GDF2: variants seen among roughly 807,000 people sequenced by gnomAD.
GDF2 encodes the protein growth/differentiation factor 2.
A neutral mutation model predicts 16.9 loss-of-function variants in GDF2; 17 were observed. That is an observed-to-expected ratio of 1.00 (90% confidence interval 0.69 to 1.51). The LOEUF (loss-of-function observed/expected upper bound fraction) is 1.51. GDF2 is among the 40% of genes most tolerant of loss of function. GDF2 has a pLI of 0.00. For missense variants in GDF2, 523 were observed against 556.3 expected (o/e 0.94, Z 0.60); for synonymous variants, 276 against 237.6 (o/e 1.16, Z -1.49).
Position 47,326,074 on chromosome 10 carries a change from AAAC to A in GDF2, c.*295_*297del. ...GGAAAAATAATCCATAGTCAGCAGA[AAAC>A]AACAGCAGTGAGCCAGAGGAGCACA... is the stretch of plus-strand genomic sequence containing the variant. On this transcript the variant is annotated 3_prime_UTR_variant, in exon 2 of 2. Coordinates refer to ENST00000581492, the MANE Select transcript of GDF2 (RefSeq NM_016204.4). 1 of 325,270 alleles carries A rather than the reference AAAC, an allele frequency of 3.1e-6. No individual in the cohort carries two copies. Among genetic ancestry groups the A allele is most frequent in the Non-Finnish European group, 5.7e-6 (1 of 176,972 alleles). 20.1% of individuals were successfully genotyped at this position (325,270 alleles called of 1,614,324 possible).
chr10:47,323,705 C>T lies in GDF2; in HGVS notation c.346+691C>T, dbSNP rs146935276. ...GCAGGGGAAATAAGTTTCTGAAGAG[C>T]AAAACTGTTCAGTCAAAGCTTGCAG... On this transcript the variant is annotated intron_variant, in intron 1 of 1. Coordinates refer to ENST00000581492, the MANE Select transcript of GDF2 (RefSeq NM_016204.4). 5.4e-4 allele frequency among the ~76,000 whole-genome samples: 83 copies of T among 152,324 alleles called. 1 individual carries two copies. The East Asian group carries it at 0.015, about 28-fold the overall frequency.
In GDF2 at chr10:47,326,951, T is replaced by C. The variant is rs782380078; in HGVS notation, c.*1167T>C. On this transcript the variant is annotated 3_prime_UTR_variant, in exon 2 of 2. Coordinates refer to ENST00000581492, the MANE Select transcript of GDF2 (RefSeq NM_016204.4). ...TCTATTTTTATTCCTTGGTGACATGTCCTTAAGTGACAAGACTCCAGCCTT... is the reference window on the plus strand; with the variant it reads ...TCTATTTTTATTCCTTGGTGACATGCCCTTAAGTGACAAGACTCCAGCCTT... Among the ~76,000 whole-genome samples, 1 of 152,218 alleles carries C rather than the reference T, an allele frequency of 6.6e-6. No individual in the cohort carries two copies.
In GDF2 at chr10:47,324,833, C is replaced by T. The variant is rs1555208862; in HGVS notation, c.347-8C>T. Reference sequence around the variant, plus strand: ...AGCAGATGCCCACCACGTGTGTTTGCATTTCAGATGCCATCTCCATAACTG... The same window carrying T: ...AGCAGATGCCCACCACGTGTGTTTGTATTTCAGATGCCATCTCCATAACTG... On this transcript the variant is annotated splice_polypyrimidine_tract_variant and splice_region_variant and intron_variant, in intron 1 of 1. Transcript: ENST00000581492. 1 of 1,598,314 alleles carries T rather than the reference C, an allele frequency of 6.3e-7. No individual in the cohort carries two copies.
Position 47,322,741 on chromosome 10 carries a change from C to T in GDF2, c.73C>T (p.Leu25=), listed in dbSNP as rs200760960. 36 of 1,609,612 alleles carry T rather than the reference C, an allele frequency of 2.2e-5. No homozygotes were observed. The East Asian group carries it at 7.8e-4, about 35-fold the overall frequency. The stretch of plus-strand genomic sequence containing the variant: ...GGCTGGCTCCCTACAGGGGAAGCCA[C>T]TGCAGAGCTGGGGACGAGGGTCTGC... ...LLAGSLQGKP[L]QSWGRGSAGG... The change falls in exon 1 of 2, where the codon CTG becomes TTG. Residue 25 remains leucine (L), a synonymous_variant. Coordinates refer to ENST00000581492, the MANE Select transcript of GDF2 (RefSeq NM_016204.4).
Position 47,325,394 on chromosome 10 carries a change from C to CG in GDF2, c.901dup (p.Glu301GlyfsTer52). 6.2e-7 allele frequency: 1 copy of CG among 1,614,062 alleles called. No individual in the cohort carries two copies. The highest frequency in any genetic ancestry group is 8.5e-7 in the Non-Finnish European group (1 of 1,180,038). On this transcript the variant is annotated frameshift_variant, in exon 2 of 2. Transcript: ENST00000581492. LOFTEE classifies it high-confidence loss of function. ...CCACAGAGGCAGGTGAGAGCAGTCA[C>CG]GAGGAGGACACGGATGGCCACGTGG...
At position 47,322,944 on chromosome 10, in the gene GDF2, G is replaced by C; in HGVS notation, c.276G>C (p.Leu92=). 1 of 1,613,310 alleles carries C rather than the reference G, an allele frequency of 6.2e-7. No homozygotes were observed. Residue 92 remains leucine (L), a synonymous_variant, in exon 1 of 2, where the codon CTG becomes CTC. Coordinates refer to ENST00000581492, the MANE Select transcript of GDF2 (RefSeq NM_016204.4). ...RVEPPQYMID[L]YNRYTSDKST... ...AGCCGCCGCAGTACATGATTGACCT[G>C]TACAACAGGTACACGTCCGATAAGT...
At position 47,325,216 on chromosome 10, in the gene GDF2, A is replaced by C. The variant is rs1398873255; in HGVS notation, c.722A>C (p.Asp241Ala). The change falls in exon 2 of 2, where the codon GAC (aspartate) becomes GCC (alanine). Residue 241 changes from aspartate (D) to alanine (A), a missense_variant. By Grantham distance (126) the Asp-to-Ala change is moderately radical (BLOSUM62 -2). Coordinates refer to ENST00000581492, the MANE Select transcript of GDF2 (RefSeq NM_016204.4). ...ESHRKGCDTL[D>A]ISVPPGSRNL... ...CACAGGAAGGGCTGCGACACGCTGG[A>C]CATCAGTGTCCCCCCAGGTTCCAGA... 1.2e-6 allele frequency: 2 copies of C among 1,613,904 alleles called. No homozygotes were observed. Among genetic ancestry groups the C allele is most frequent in the Non-Finnish European group, 1.7e-6 (2 of 1,180,026 alleles).
In GDF2 at chr10:47,326,138, G is replaced by T; in HGVS notation, c.*354G>T. On this transcript the variant is annotated 3_prime_UTR_variant, in exon 2 of 2. Transcript: ENST00000581492. ...TCACTGCAGAGACTGATGGAAGTTAGAGAGGTGGAGGAGGCCAGCTCGCTC... is the reference window on the plus strand; with the variant it reads ...TCACTGCAGAGACTGATGGAAGTTATAGAGGTGGAGGAGGCCAGCTCGCTC... The T allele has an allele frequency of 4.9e-6, 1 of 202,568 alleles. No homozygotes were observed. The highest frequency in any genetic ancestry group is 1.0e-5 in the Non-Finnish European group (1 of 99,754). 12.5% of individuals were successfully genotyped at this position (202,568 alleles called of 1,614,324 possible).
Position 47,322,584 on chromosome 10 carries a change from C to A in GDF2, c.-85C>A. On this transcript the variant is annotated 5_prime_UTR_variant, in exon 1 of 2. Transcript: ENST00000581492. The stretch of plus-strand genomic sequence containing the variant: ...GAGCAAACAGCAGGGAGATGCCGGC[C>A]CGCTCCTTCCCAGCTCCTCCCCGTG... 1 of 1,030,068 alleles carries A rather than the reference C, an allele frequency of 9.7e-7. No homozygotes were observed. Among genetic ancestry groups the A allele is most frequent in the Non-Finnish European group, 1.4e-6 (1 of 728,730 alleles). 63.8% of individuals were successfully genotyped at this position (1,030,068 alleles called of 1,614,324 possible).
chr10:47,322,462 C>T lies in GDF2; in HGVS notation c.-207C>T, dbSNP rs1474777307. 5 of 501,818 alleles carry T rather than the reference C, an allele frequency of 1.0e-5. No homozygotes were observed. The highest frequency in any genetic ancestry group is 3.0e-5 in the East Asian group (1 of 33,502). 31.1% of individuals were successfully genotyped at this position (501,818 alleles called of 1,614,324 possible). A position where few individuals can be genotyped will look rare whatever the true frequency, so the allele number is the denominator to read the frequency against. Reference sequence around the variant, plus strand: ...TAACGGAAGGCTCCCTCAGATAAGACGTCGGAGCGCGGCATCGAGGACCAG... The same window carrying T: ...TAACGGAAGGCTCCCTCAGATAAGATGTCGGAGCGCGGCATCGAGGACCAG... On this transcript the variant is annotated 5_prime_UTR_variant, in exon 1 of 2. In the 5' UTR this introduces an upstream ATG that the reference lacks. Transcript: ENST00000581492.
chr10:47,325,567 G>A lies in GDF2; in HGVS notation c.1073G>A (p.Gly358Asp). 6.2e-7 allele frequency: 1 copy of A among 1,614,088 alleles called. No individual in the cohort carries two copies. Among genetic ancestry groups the A allele is most frequent in the Non-Finnish European group, 8.5e-7 (1 of 1,180,040 alleles). ...PKEYEAYECKGGCFFPLADDV... is the reference protein window; with the variant it reads ...PKEYEAYECKDGCFFPLADDV... ...GAGTATGAAGCCTACGAGTGTAAGG[G>A]CGGCTGCTTCTTCCCCTTGGCTGAC... Residue 358 changes from glycine (G) to aspartate (D), a missense_variant, in exon 2 of 2, where the codon GGC becomes GAC. Physicochemically the swap from Gly to Asp is moderately conservative, Grantham distance 94. Transcript: ENST00000581492.
rs1555209067 is a variant in GDF2, at chr10:47,325,525, G to A, written c.1031G>A (p.Trp344Ter). Residue 344 changes from tryptophan (W) to a stop codon, truncating the protein, a stop_gained, in exon 2 of 2, where the codon TGG becomes TAG. Transcript: ENST00000581492. LOFTEE classifies it high-confidence loss of function. ...VNFEDIGWDSWIIAPKEYEAY... is the reference protein window; with the variant it reads ...VNFEDIGWDS ...TTCGAGGACATCGGCTGGGACAGCT[G>A]GATCATTGCACCCAAGGAGTATGAA... 1 of 1,613,862 alleles carries A rather than the reference G, an allele frequency of 6.2e-7. No individual in the cohort carries two copies. Among genetic ancestry groups the A allele is most frequent in the Non-Finnish European group, 8.5e-7 (1 of 1,180,034 alleles).
At position 47,323,039 on chromosome 10, in the gene GDF2, G is replaced by T. The variant is rs190593205; in HGVS notation, c.346+25G>T. 8 of 1,530,120 alleles carry T rather than the reference G, an allele frequency of 5.2e-6. No homozygotes were observed. In the African/African-American group the frequency reaches 1.1e-4, roughly 21 times the overall value. 94.8% of individuals were successfully genotyped at this position (1,530,120 alleles called of 1,614,324 possible). On this transcript the variant is annotated intron_variant, in intron 1 of 1. Transcript: ENST00000581492. ...GGTAGGGTCTCCGCTTGCACCATGC[G>T]CGCTGGGGTGGGACTCACAGGTCCA...
chr10:47,322,654 T>C lies in GDF2; in HGVS notation c.-15T>C. On this transcript the variant is annotated 5_prime_UTR_variant, in exon 1 of 2. Coordinates refer to ENST00000581492, the MANE Select transcript of GDF2 (RefSeq NM_016204.4). ...CGCCTGCAGTCTCCTCTCTGGGTGA[T>C]TGCGCGGGCCTAAGATGTGTCCTGG... The C allele has an allele frequency of 6.7e-7, 1 of 1,484,192 alleles. No homozygotes were observed. Among genetic ancestry groups the C allele is most frequent in the Non-Finnish European group, 9.0e-7 (1 of 1,109,074 alleles). 91.9% of individuals were successfully genotyped at this position (1,484,192 alleles called of 1,614,324 possible). A position where few individuals can be genotyped will look rare whatever the true frequency, so the allele number is the denominator to read the frequency against.
At chr10:47,324,563 G>A (rs2061096806) in intron 1 of GDF2, among the ~76,000 whole-genome samples, 2 of 152,220 alleles carry the variant, frequency 1.3e-5, no homozygotes, top group African/African-American at 4.8e-5. Flanking sequence ...AAGGTGAAAT[G>A]TATTCTGCAA....
In GDF2 at chr10:47,325,812, G is replaced by T. The variant is rs373246187; in HGVS notation, c.*28G>T. 77 of 1,454,470 alleles carry T rather than the reference G, an allele frequency of 5.3e-5. No homozygotes were observed. Among genetic ancestry groups the T allele is most frequent in the Non-Finnish European group, 7.1e-5 (77 of 1,084,250 alleles). 90.1% of individuals were successfully genotyped at this position (1,454,470 alleles called of 1,614,324 possible). A position where few individuals can be genotyped will look rare whatever the true frequency, so the allele number is the denominator to read the frequency against. On this transcript the variant is annotated 3_prime_UTR_variant, in exon 2 of 2. Transcript: ENST00000581492. ...TCTGCCTGCGGGGCTGGGGAGGCAG[G>T]CCAAAGGGGCTCCACATGAGAGGTC...
At position 47,322,626 on chromosome 10, in the gene GDF2, G is replaced by A. The variant is rs539515034; in HGVS notation, c.-43G>A. 31 of 1,394,940 alleles carry A rather than the reference G, an allele frequency of 2.2e-5. No homozygotes were observed. The East Asian group carries it at 5.6e-4, about 25-fold the overall frequency. 86.4% of individuals were successfully genotyped at this position (1,394,940 alleles called of 1,614,324 possible). A position where few individuals can be genotyped will look rare whatever the true frequency, so the allele number is the denominator to read the frequency against. On this transcript the variant is annotated 5_prime_UTR_variant, in exon 1 of 2. Transcript: ENST00000581492. ...CTCCCCGTGCCCGCTAACACAGCAC[G>A]GCCGCCTGCAGTCTCCTCTCTGGGT...
chr10:47,323,799 G>T (rs2061093720), intron 1 of GDF2, among the ~76,000 whole-genome samples: 1 of 152,234 alleles, frequency 6.6e-6, no homozygotes, highest in Non-Finnish European at 1.5e-5. Context: ...TGTTAAACCT[G>T]TCTGCCTGCA....
Position 47,325,233 on chromosome 10 carries a change from G to C in GDF2, c.739G>C (p.Gly247Arg), listed in dbSNP as rs1170889749. 3 of 1,613,988 alleles carry C rather than the reference G, an allele frequency of 1.9e-6. No homozygotes were observed. Among genetic ancestry groups the C allele is most frequent in the Non-Finnish European group, 2.5e-6 (3 of 1,180,042 alleles). ...CDTLDISVPP[G>R]SRNLPFFVVF... The stretch of plus-strand genomic sequence containing the variant: ...CACGCTGGACATCAGTGTCCCCCCA[G>C]GTTCCAGAAACCTGCCCTTCTTTGT... Residue 247 changes from glycine to arginine, a missense_variant, in exon 2 of 2, where the codon GGT (glycine) becomes CGT (arginine). Physicochemically the swap from Gly to Arg is moderately radical, Grantham distance 125 (BLOSUM62 -2). Transcript: ENST00000581492.
Sources: allele counts gnomAD v4.1 joint callset (sites outside exome capture counted in the v4.1 genomes callset), GRCh38; gene constraint gnomAD v4.1.1; transcripts MANE v1.5; gene names NCBI Gene and HGNC (gene_info 2026-07-23, HGNC 2026-07-21).